The following FAAH2 variants were observed in gnomAD, a reference collection of about 807,000 sequenced individuals.
FAAH2 encodes fatty-acid amide hydrolase 2.
Under a neutral mutation model 36.9 loss-of-function variants are expected in FAAH2, and 60 were observed. That is an observed-to-expected ratio of 1.63 (90% confidence interval 1.32 to 2.02). FAAH2 has a LOEUF of 2.02. FAAH2 is among the 30% of genes most tolerant of loss of function. FAAH2 has a pLI of 0.00. For missense variants in FAAH2, 689 were observed against 397.5 expected (o/e 1.73, Z -6.23); for synonymous variants, 214 against 143.8 (o/e 1.49, Z -3.49).
chrX:57,238,281 T>C, the FAAH2 span, among the ~76,000 whole-genome samples: 1 of 111,819 alleles, frequency 8.9e-6, no homozygotes, highest in East Asian at 2.8e-4. Context: ...ATGAAGAAAA[T>C]ATGTTAAATA....
chrX:57,290,711 TA>T (rs1030911465), intron 1 of FAAH2, among the ~76,000 whole-genome samples: 2 of 111,446 alleles, frequency 1.8e-5, no homozygotes, highest in African/African-American at 6.5e-5. Flanking sequence ...TGTTATTCTT[TA>T]AAAAAATTGC....
At chrX:57,304,028 G>A (rs2052451028) in intron 2 of FAAH2, among the ~76,000 whole-genome samples, 1 of 110,722 alleles carries the variant, frequency 9.0e-6, no homozygotes, top group South Asian at 3.8e-4. Context: ...CCAAAATGGT[G>A]AAACCCCATC....
intron 3 of FAAH2, among the ~76,000 whole-genome samples, chrX:57,325,712 A>T (rs1398478662): frequency 2.7e-5 from 2 of 74,463 alleles, no homozygotes; most frequent in Non-Finnish European, 5.1e-5. Flanking sequence ...ATTGCGTCTA[A>T]TTGATTATTC....
chrX:57,157,113 C>G, the FAAH2 span, among the ~76,000 whole-genome samples: 1 of 111,543 alleles, frequency 9.0e-6, no homozygotes, highest in Non-Finnish European at 1.9e-5. Context: ...TGAGCTGATA[C>G]CCAGTTGCAA....
At chrX:57,192,214 G>C in the FAAH2 span, among the ~76,000 whole-genome samples, 14 of 111,243 alleles carry the variant, frequency 1.3e-4, no homozygotes, top group African/African-American at 4.6e-4. Flanking sequence ...AATTTCATTT[G>C]TGGCTATTGT....
At chrX:57,356,972 A>G (rs2054172626) in intron 5 of FAAH2, among the ~76,000 whole-genome samples, 1 of 110,490 alleles carries the variant, frequency 9.1e-6, no homozygotes, top group Non-Finnish European at 1.9e-5. Flanking sequence ...CTGATATGCG[A>G]TGTTCCTCTC....
At chrX:57,148,600 A>G in the FAAH2 span, among the ~76,000 whole-genome samples, 2 of 111,646 alleles carry the variant, frequency 1.8e-5, no homozygotes, top group Admixed American at 1.9e-4. Context: ...TGATTTTTGT[A>G]CATTGATTTT....
rs150724537 is a variant in FAAH2 at position 57,331,628 on chromosome X, G to C, written c.443G>C (p.Arg148Pro). ...GMPNSSGLMN[R>P]RDAIAKTDAT... ...CCCAATTCTTCTGGACTCATGAACCGTCGTGATGCCATTGCCAAAACAGAT... is the reference window on the plus strand; with the variant it reads ...CCCAATTCTTCTGGACTCATGAACCCTCGTGATGCCATTGCCAAAACAGAT... Residue 148 changes from arginine to proline, a missense_variant, in exon 4 of 11, where the codon CGT (arginine) becomes CCT (proline). Arg to Pro is a moderately radical substitution (Grantham distance 103, BLOSUM62 -2). Transcript: ENST00000374900. 118 of 1,209,337 alleles carry C rather than the reference G, an allele frequency of 9.8e-5. No homozygotes were observed. Among genetic ancestry groups the C allele is most frequent in the Non-Finnish European group, 1.3e-4 (112 of 894,907 alleles).
the FAAH2 span, among the ~76,000 whole-genome samples, chrX:57,177,541 ATCTTT>A: frequency 1.0e-5 from 1 of 97,068 alleles, no homozygotes; most frequent in African/African-American, 3.7e-5. Context: ...GGAGCAACAA[ATCTTT>A]TCTTTTTTAT....
intron 5 of FAAH2, among the ~76,000 whole-genome samples, chrX:57,359,919 T>A (rs1326920165): frequency 9.0e-6 from 1 of 110,889 alleles, no homozygotes; most frequent in Non-Finnish European, 1.9e-5. Context: ...AATTTTTCCT[T>A]CAGTTTTGAA....
chrX:57,132,869 T>C, the FAAH2 span, among the ~76,000 whole-genome samples: 2 of 112,281 alleles, frequency 1.8e-5, no homozygotes, highest in Non-Finnish European at 3.8e-5. Flanking sequence ...ATTACCTCTC[T>C]GAAACCACCT....
chrX:57,219,750 A>G, the FAAH2 span, among the ~76,000 whole-genome samples: 1 of 96,812 alleles, frequency 1.0e-5, no homozygotes, highest in Non-Finnish European at 2.0e-5. Flanking sequence ...ACCCTCCCTT[A>G]TGGGAAACTC....
At chrX:57,451,428 C>T (rs2056781499) in intron 10 of FAAH2, among the ~76,000 whole-genome samples, 1 of 112,032 alleles carries the variant, frequency 8.9e-6, no homozygotes, top group Non-Finnish European at 1.9e-5. Context: ...TTAGATGAAT[C>T]AGATACATTC....
chrX:57,393,529 A>G, intron 7 of FAAH2: 1 of 958,956 alleles, frequency 1.0e-6, no homozygotes, highest in Non-Finnish European at 1.5e-6. Flanking sequence ...CGATGATGGC[A>G]AATGGGCCTG....
the FAAH2 span, among the ~76,000 whole-genome samples, chrX:57,254,098 A>G: frequency 9.1e-6 from 1 of 110,277 alleles, no homozygotes; most frequent in Non-Finnish European, 1.9e-5. Context: ...AAGATCTACC[A>G]AGCAAAAAAA....
At chrX:57,146,348 C>A in the FAAH2 span, among the ~76,000 whole-genome samples, 1 of 111,263 alleles carries the variant, frequency 9.0e-6, no homozygotes, top group Admixed American at 9.6e-5. Flanking sequence ...GGATTGAGTT[C>A]TTGATTTGAT....
At chrX:57,461,930 G>T (rs2056964877) in intron 10 of FAAH2, among the ~76,000 whole-genome samples, 1 of 109,905 alleles carries the variant, frequency 9.1e-6, no homozygotes, top group South Asian at 3.9e-4. Context: ...AAAGAGAGAA[G>T]AATCAAATAG....
At chrX:57,189,655 G>A in the FAAH2 span, among the ~76,000 whole-genome samples, 1 of 111,422 alleles carries the variant, frequency 9.0e-6, no homozygotes, top group African/African-American at 3.3e-5. Flanking sequence ...TCTTCTGCAG[G>A]TCTGCTGATA....
At chrX:57,137,468 G>T in the FAAH2 span, 2 of 415,551 alleles carry the variant, frequency 4.8e-6, no homozygotes, top group Non-Finnish European at 3.0e-6. Flanking sequence ...CCACCCCTCA[G>T]CCACGTTGGG....
Sources: allele counts gnomAD v4.1 joint callset (sites outside exome capture counted in the v4.1 genomes callset), GRCh38; gene constraint gnomAD v4.1.1; transcripts MANE v1.5; gene names NCBI Gene and HGNC (gene_info 2026-07-23, HGNC 2026-07-21).